PRKCQ: variants seen among roughly 807,000 people sequenced by gnomAD.
PRKCQ encodes the protein protein kinase C theta type.
PRKCQ carries 41 observed loss-of-function variants against 91.2 expected under a neutral mutation model. That is an observed-to-expected ratio of 0.45 (90% confidence interval 0.35 to 0.58). PRKCQ has a LOEUF of 0.58. PRKCQ is among the 20% of genes least tolerant of loss of function. The pLI is 0.00. For missense variants in PRKCQ, 673 were observed against 896.5 expected, an observed-to-expected ratio of 0.75 and a Z score of 3.18; for synonymous variants, 307 against 316.9, an observed-to-expected ratio of 0.97 and a Z score of 0.33.
At chr10:6,508,975 G>A (rs1463465279) in intron 3 of PRKCQ, among the ~76,000 whole-genome samples, 2 of 152,156 alleles carry the variant, frequency 1.3e-5, no homozygotes, top group African/African-American at 4.8e-5. Context: ...AGAAATTAGT[G>A]TTGGAAAAGC....
chr10:6,410,914 T>C, the PRKCQ span, among the ~76,000 whole-genome samples: 1 of 145,060 alleles, frequency 6.9e-6, no homozygotes, highest in African/African-American at 2.6e-5. Context: ...GAGGTGAAGG[T>C]TTTAGTGAGC....
intron 11 of PRKCQ, 91 bp from the exon 12 acceptor site, chr10:6,479,256 G>T: frequency 6.9e-7 from 1 of 1,446,410 alleles, no homozygotes. Context: ...ACCTGTGTTG[G>T]GTGGGAAAAG....
chr10:6,394,989 C>G, the PRKCQ span, among the ~76,000 whole-genome samples: 4 of 150,364 alleles, frequency 2.7e-5, no homozygotes, highest in Non-Finnish European at 4.4e-5. Flanking sequence ...GCCGATTTAT[C>G]AAGACGGGGG....
intron 14 of PRKCQ, among the ~76,000 whole-genome samples, chr10:6,461,078 CATCCATCATTT>C (rs886916103): frequency 3.7e-4 from 56 of 151,400 alleles, no homozygotes; most frequent in Middle Eastern, 3.4e-3. Flanking sequence ...ACTCATCATT[CATCCATCATTT>C]ATCCATCATT....
At chr10:6,480,936 A>G (rs1245402916) in intron 11 of PRKCQ, among the ~76,000 whole-genome samples, 1 of 152,228 alleles carries the variant, frequency 6.6e-6, no homozygotes, top group Admixed American at 6.5e-5. Flanking sequence ...TTGTTTTCTT[A>G]GGCTTAAAAT....
intron 8 of PRKCQ, among the ~76,000 whole-genome samples, chr10:6,489,156 A>T (rs1456796486): frequency 6.6e-6 from 1 of 152,026 alleles, no homozygotes; most frequent in African/African-American, 2.4e-5. Context: ...CAAAACTCGC[A>T]TAACTCACAT....
At chr10:6,457,947 GTT>G (rs35884637) in intron 14 of PRKCQ, among the ~76,000 whole-genome samples, 1 of 148,720 alleles carries the variant, frequency 6.7e-6, no homozygotes, top group African/African-American at 2.5e-5. Flanking sequence ...TTGATATCAG[GTT>G]TTTTTTTTTC....
intron 1 of PRKCQ, among the ~76,000 whole-genome samples, chr10:6,574,715 C>T (rs1447614807): frequency 6.6e-6 from 1 of 152,206 alleles, no homozygotes; most frequent in Middle Eastern, 3.2e-3. Context: ...GGATGGGGAG[C>T]AGAGGTTTAA....
At chr10:6,445,900 T>C (rs949288942) in intron 15 of PRKCQ, among the ~76,000 whole-genome samples, 5 of 152,362 alleles carry the variant, frequency 3.3e-5, no homozygotes, top group South Asian at 2.1e-4. Context: ...GAAACGTCTC[T>C]GAACCACATA....
At chr10:6,574,945 C>T (rs1475269749) in intron 1 of PRKCQ, among the ~76,000 whole-genome samples, 2 of 132,712 alleles carry the variant, frequency 1.5e-5, no homozygotes, top group African/African-American at 5.3e-5. Flanking sequence ...GCACATAATA[C>T]CAAGTGTGTC....
chr10:6,564,781 T>C (rs1840776751), intron 1 of PRKCQ, among the ~76,000 whole-genome samples: 1 of 152,214 alleles, frequency 6.6e-6, no homozygotes, highest in Non-Finnish European at 1.5e-5. Flanking sequence ...AATTGATATC[T>C]TCAAAGCAAT....
intron 1 of PRKCQ, among the ~76,000 whole-genome samples, chr10:6,518,316 T>G (rs903546330): frequency 6.6e-6 from 1 of 152,182 alleles, no homozygotes; most frequent in Non-Finnish European, 1.5e-5. Context: ...AATCTTAAAG[T>G]AATCAAATTA....
At position 6,521,953 on chromosome 10, in the gene PRKCQ, A is replaced by AT. The variant is rs774717704; in HGVS notation, c.-9-6810dup. On this transcript the variant is annotated intron_variant, in intron 1 of 17. Transcript: ENST00000263125. ...TATTTATTTATTTATTTATTTATTT[A>AT]TTTTTTTGAGACGGAGTCTCGCCCT... Among the ~76,000 whole-genome samples the AT allele has an allele frequency of 3.8e-4, 57 of 151,544 alleles. No homozygotes were observed. In the East Asian group the frequency reaches 9.5e-3, roughly 25 times the overall value.
chr10:6,496,085 A>C (rs1837568568), intron 7 of PRKCQ, among the ~76,000 whole-genome samples: 1 of 151,908 alleles, frequency 6.6e-6, no homozygotes, highest in Non-Finnish European at 1.5e-5. Context: ...GCGTGGTGGC[A>C]TATGCCCGTA....
chr10:6,477,866 TCAAAACAAACAAA>T (rs777381312), intron 12 of PRKCQ, among the ~76,000 whole-genome samples: 57 of 152,312 alleles, frequency 3.7e-4, no homozygotes, highest in East Asian at 7.7e-4. Context: ...AGACTCCGTC[TCAAAACAAACAAA>T]CAAAACAAAC....
chr10:6,428,377 A>G lies in PRKCQ; in HGVS notation c.1966-15T>C, dbSNP rs1374749672. On this transcript the variant is annotated splice_polypyrimidine_tract_variant and intron_variant, in intron 17 of 17. Transcript: ENST00000263125. ...AATGGTGATTTCTTAGTCAGAGTTT[A>G]AGGGAAGAAAGAAAGAGAAGAAAAA... The G allele has an allele frequency of 3.1e-6, 5 of 1,606,240 alleles. No homozygotes were observed. The highest frequency in any genetic ancestry group is 4.3e-6 in the Non-Finnish European group (5 of 1,176,164).
the PRKCQ span, among the ~76,000 whole-genome samples, chr10:6,404,573 C>CTCTT: frequency 4.1e-5 from 5 of 121,808 alleles, no homozygotes; most frequent in African/African-American, 1.1e-4. Flanking sequence ...TTCCTTCTTT[C>CTCTT]TCTTTCTTTC....
At chr10:6,399,620 G>A in the PRKCQ span, among the ~76,000 whole-genome samples, 6 of 152,116 alleles carry the variant, frequency 3.9e-5, no homozygotes, top group Non-Finnish European at 8.8e-5. Flanking sequence ...AGATGGGGGT[G>A]GAGGAGAGGA....
rs767965747 is a variant in PRKCQ at position 6,442,100 on chromosome 10, G to C, written c.1648-19C>G. On this transcript the variant is annotated intron_variant, in intron 15 of 17. Coordinates refer to ENST00000263125, the MANE Select transcript of PRKCQ (RefSeq NM_006257.5). ...GCAAGATCTGCACAACCAAAAGGCA[G>C]ACAGGAAATTAACAGGAATGAGGCT... The C allele has an allele frequency of 6.2e-7, 1 of 1,602,360 alleles. No individual in the cohort carries two copies. The highest frequency in any genetic ancestry group is 2.2e-5 in the East Asian group (1 of 44,572).
Sources: gnomAD v4.1 joint callset for allele counts (sites outside exome capture counted in the v4.1 genomes callset) on GRCh38, gnomAD v4.1.1 for gene constraint, MANE v1.5 for transcripts, NCBI Gene and HGNC (gene_info 2026-07-23, HGNC 2026-07-21) for gene names.